The following ATXN1 variants were observed in gnomAD, a reference collection of about 807,000 sequenced individuals.
ATXN1 encodes the protein ataxin 1.
A neutral mutation model predicts 56.4 loss-of-function variants in ATXN1; 8 were observed. The observed-to-expected ratio is 0.14, with a 90% CI of 0.08 to 0.26. The LOEUF (loss-of-function observed/expected upper bound fraction) is 0.26. Among genes scored for constraint, ATXN1 ranks in the 10% least tolerant of loss-of-function variants. The pLI, the probability that ATXN1 is intolerant of heterozygous loss-of-function variation, is 1.00. For missense variants in ATXN1, 987 were observed against 1,106.5 expected (o/e 0.89, Z 1.53); for synonymous variants, 514 against 494.6 (o/e 1.04, Z -0.52).
intron 6 of ATXN1, among the ~76,000 whole-genome samples, chr6:16,364,138 C>A (rs1314539653): frequency 6.6e-6 from 1 of 152,104 alleles, no homozygotes. Flanking sequence ...TAAGGACCCC[C>A]CACTGTATTT....
intron 4 of ATXN1, among the ~76,000 whole-genome samples, chr6:16,562,526 CAAAAG>C (rs1384846326): frequency 6.9e-6 from 1 of 144,790 alleles, no homozygotes; most frequent in Admixed American, 6.7e-5. Flanking sequence ...AGAAAAGAAA[CAAAAG>C]AAAAAGAAAA....
chr6:16,437,659 TG>T (rs1759422201), intron 6 of ATXN1, among the ~76,000 whole-genome samples: 1 of 152,262 alleles, frequency 6.6e-6, no homozygotes, highest in South Asian at 2.1e-4. Context: ...CCAAGCTCCT[TG>T]TGTCTCTTCC....
chr6:16,634,939 G>T (rs1763567235), intron 3 of ATXN1, among the ~76,000 whole-genome samples: 1 of 152,040 alleles, frequency 6.6e-6, no homozygotes, highest in Admixed American at 6.5e-5. Flanking sequence ...AATTGCACTG[G>T]TCTCCACCAG....
chr6:16,674,348 T>C (rs1758612412), intron 2 of ATXN1, among the ~76,000 whole-genome samples: 1 of 139,912 alleles, frequency 7.1e-6, no homozygotes. Context: ...TTTTTTTTTT[T>C]TTTTTTTTTT....
chr6:16,385,023 AG>A (rs1299304555), intron 6 of ATXN1, among the ~76,000 whole-genome samples: 1 of 152,144 alleles, frequency 6.6e-6, no homozygotes, highest in Non-Finnish European at 1.5e-5. Flanking sequence ...GGGAAAAGTT[AG>A]GGTGGGCTCC....
intron 5 of ATXN1, among the ~76,000 whole-genome samples, chr6:16,486,723 G>A (rs568615384): frequency 6.6e-5 from 10 of 152,220 alleles, no homozygotes; most frequent in Non-Finnish European, 1.5e-4. Flanking sequence ...GAAAGTGAAG[G>A]CATCACGCAG....
At chr6:16,599,673 T>C (rs2113779013) in intron 3 of ATXN1, among the ~76,000 whole-genome samples, 1 of 148,126 alleles carries the variant, frequency 6.8e-6, no homozygotes, top group African/African-American at 2.5e-5. Flanking sequence ...ATCGCGCCAC[T>C]GCACTCCAGC....
chr6:16,595,386 C>T (rs1353731896), intron 3 of ATXN1, among the ~76,000 whole-genome samples: 1 of 152,202 alleles, frequency 6.6e-6, no homozygotes, highest in Admixed American at 6.5e-5. Context: ...CATCCTCCTA[C>T]ATATACCTAT....
chr6:16,401,642 A>AT (rs1389085784), intron 6 of ATXN1, among the ~76,000 whole-genome samples: 1 of 66,568 alleles, frequency 1.5e-5, no homozygotes, highest in Non-Finnish European at 3.1e-5. Context: ...TGGTGGACAC[A>AT]CTTTGAGTCT....
In ATXN1 at chr6:16,379,769, G is replaced by A. The variant is rs1004308562; in HGVS notation, c.-160-51299C>T. 2.0e-5 allele frequency among the ~76,000 whole-genome samples: 3 copies of A among 152,194 alleles called. No homozygotes were observed. In the South Asian group the frequency reaches 6.2e-4, roughly 32 times the overall value. Reference sequence around the variant, plus strand: ...CTACAGAGGCATCAGCAAGACGCTGGAAGGAGAAATAAGTCAGCAGCAACT... The same window carrying A: ...CTACAGAGGCATCAGCAAGACGCTGAAAGGAGAAATAAGTCAGCAGCAACT... On this transcript the variant is annotated intron_variant, in intron 6 of 7. Coordinates refer to ENST00000436367, the MANE Select transcript of ATXN1 (RefSeq NM_001128164.2).
intron 6 of ATXN1, among the ~76,000 whole-genome samples, chr6:16,329,092 G>GT (rs377343594): frequency 9.2e-4 from 139 of 151,156 alleles, no homozygotes; most frequent in African/African-American, 2.8e-3. Context: ...CCTCTCTCCT[G>GT]TTTTTTTTTC....
At chr6:16,632,581 G>A (rs372999870) in intron 3 of ATXN1, among the ~76,000 whole-genome samples, 29 of 152,240 alleles carry the variant, frequency 1.9e-4, no homozygotes, top group African/African-American at 7.0e-4. Context: ...GGGATGCGGG[G>A]TTGGGGGCTG....
chr6:16,720,867 CA>C, intron 2 of ATXN1, among the ~76,000 whole-genome samples: 1 of 152,308 alleles, frequency 6.6e-6, no homozygotes, highest in Non-Finnish European at 1.5e-5. Flanking sequence ...GTAACCCATC[CA>C]GCAAAATATT....
chr6:16,448,091 C>T (rs1051682267), intron 6 of ATXN1, among the ~76,000 whole-genome samples: 2 of 152,210 alleles, frequency 1.3e-5, no homozygotes, highest in African/African-American at 2.4e-5. Context: ...AAACCACAGT[C>T]CTGGTCCATG....
chr6:16,499,720 A>T (rs1760846237), intron 5 of ATXN1, among the ~76,000 whole-genome samples: 1 of 152,216 alleles, frequency 6.6e-6, no homozygotes, highest in South Asian at 2.1e-4. Flanking sequence ...ATCGTGTATA[A>T]CCAAGAGAAA....
chr6:16,526,291 T>A (rs187922066), intron 4 of ATXN1, among the ~76,000 whole-genome samples: 1 of 152,090 alleles, frequency 6.6e-6, no homozygotes, highest in African/African-American at 2.4e-5. Context: ...TTATAAGAAG[T>A]GACTACATAT....
intron 5 of ATXN1, among the ~76,000 whole-genome samples, chr6:16,496,078 C>G (rs1760775588): frequency 6.6e-6 from 1 of 152,162 alleles, no homozygotes; most frequent in Admixed American, 6.5e-5. Flanking sequence ...TAAAAGCCAA[C>G]AGATACAACA....
intron 2 of ATXN1, among the ~76,000 whole-genome samples, chr6:16,688,522 A>G (rs1183682620): frequency 6.6e-6 from 1 of 152,194 alleles, no homozygotes; most frequent in Non-Finnish European, 1.5e-5. Flanking sequence ...TAGAGCATCA[A>G]CCAAATTCAG....
chr6:16,621,546 T>G (rs745822652), intron 3 of ATXN1, among the ~76,000 whole-genome samples: 1 of 152,066 alleles, frequency 6.6e-6, no homozygotes, highest in East Asian at 1.9e-4. Flanking sequence ...ACATGGAGAA[T>G]GCCGTCTCTA....
Sources: gnomAD v4.1 joint callset for allele counts (sites outside exome capture counted in the v4.1 genomes callset) on GRCh38, gnomAD v4.1.1 for gene constraint, MANE v1.5 for transcripts, NCBI Gene and HGNC (gene_info 2026-07-23, HGNC 2026-07-21) for gene names.